KIF26B: variants seen among roughly 807,000 people sequenced by gnomAD.
KIF26B encodes kinesin family member 26B.
A neutral mutation model predicts 151.2 loss-of-function variants in KIF26B; 63 were observed. That is an observed-to-expected ratio of 0.42 (90% CI 0.34 to 0.51). The LOEUF (loss-of-function observed/expected upper bound fraction) is 0.51, where lower values mean the gene tolerates loss of function less well. Among genes scored for constraint, KIF26B ranks in the 20% least tolerant of loss-of-function variants. The pLI is 0.07. For synonymous variants in KIF26B, 1,357 were observed against 1,262.1 expected, an observed-to-expected ratio of 1.08 and a Z score of -1.59; for missense variants, 2,813 against 2,913.6, an observed-to-expected ratio of 0.97 and a Z score of 0.79.
intron 8 of KIF26B, 32 bp downstream of exon 8, chr1:245,609,560 G>C: frequency 1.3e-6 from 2 of 1,481,602 alleles, no homozygotes; most frequent in Non-Finnish European, 1.8e-6. Context: ...CTCGCCCCAA[G>C]GTGGCTCCCT....
intron 5 of KIF26B, among the ~76,000 whole-genome samples, chr1:245,542,187 T>C (rs1418588400): frequency 6.6e-6 from 1 of 152,146 alleles, no homozygotes; most frequent in Non-Finnish European, 1.5e-5. Context: ...ACCCTGTCTC[T>C]ACAAAAAATT....
At chr1:245,408,230 T>G (rs1674184383) in intron 3 of KIF26B, among the ~76,000 whole-genome samples, 1 of 152,206 alleles carries the variant, frequency 6.6e-6, no homozygotes, top group South Asian at 2.1e-4. Flanking sequence ...TCAGACCATT[T>G]GATTTTATTT....
chr1:245,334,328 G>C (rs1041191805), intron 2 of KIF26B, among the ~76,000 whole-genome samples: 1 of 152,174 alleles, frequency 6.6e-6, no homozygotes, highest in Non-Finnish European at 1.5e-5. Context: ...GAAAATGTTC[G>C]TTCCTGGTGT....
chr1:245,618,361 T>C (rs928303837), intron 9 of KIF26B, among the ~76,000 whole-genome samples: 1 of 151,434 alleles, frequency 6.6e-6, no homozygotes, highest in Non-Finnish European at 1.5e-5. Flanking sequence ...CCAAGCCCTA[T>C]TAGACTATAG....
At chr1:245,514,131 A>G (rs183121321) in intron 4 of KIF26B, among the ~76,000 whole-genome samples, 3 of 152,360 alleles carry the variant, frequency 2.0e-5, no homozygotes, top group Non-Finnish European at 2.9e-5. Flanking sequence ...AAGATAATAC[A>G]TATGTTAATT....
chr1:245,571,674 C>A lies in KIF26B; in HGVS notation c.1350+30724C>A, dbSNP rs571114770. On this transcript the variant is annotated intron_variant, in intron 5 of 14. Coordinates refer to ENST00000407071, the MANE Select transcript of KIF26B (RefSeq NM_018012.4). Reference sequence around the variant, plus strand: ...TCAGGAGGGGAGTCATCCTAACAAGCTGTCTGTGTAGACAGTGGATTCTGT... The same window carrying A: ...TCAGGAGGGGAGTCATCCTAACAAGATGTCTGTGTAGACAGTGGATTCTGT... Among the ~76,000 whole-genome samples, 7 of 152,346 alleles carry A rather than the reference C, an allele frequency of 4.6e-5. No homozygotes were observed. In the South Asian group the frequency reaches 1.4e-3, roughly 32 times the overall value.
At chr1:245,570,610 G>A (rs1279836450) in intron 5 of KIF26B, among the ~76,000 whole-genome samples, 1 of 152,234 alleles carries the variant, frequency 6.6e-6, no homozygotes, top group Non-Finnish European at 1.5e-5. Flanking sequence ...GGCTCTGAGA[G>A]GCATGGGCCA....
chr1:245,302,738 C>T (rs909965239), intron 2 of KIF26B, among the ~76,000 whole-genome samples: 5 of 151,932 alleles, frequency 3.3e-5, no homozygotes, highest in Non-Finnish European at 7.4e-5. Flanking sequence ...CACCTGTAAT[C>T]CCAGCACTTT....
At chr1:245,700,864 G>GGATACCCTTTTCC (rs1270714296) in intron 14 of KIF26B, among the ~76,000 whole-genome samples, 3 of 152,218 alleles carry the variant, frequency 2.0e-5, no homozygotes, top group Non-Finnish European at 2.9e-5. Flanking sequence ...TCCCCGCTGC[G>GGATACCCTTTTCC]GATACCCTTT....
chr1:245,407,607 C>A (rs545567674), intron 3 of KIF26B, among the ~76,000 whole-genome samples: 1 of 152,048 alleles, frequency 6.6e-6, no homozygotes, highest in Non-Finnish European at 1.5e-5. Flanking sequence ...GCTTTCTGTA[C>A]CCTATTCACC....
At chr1:245,387,252 C>T (rs929306451) in intron 3 of KIF26B, among the ~76,000 whole-genome samples, 5 of 150,988 alleles carry the variant, frequency 3.3e-5, no homozygotes, top group African/African-American at 1.2e-4. Flanking sequence ...GCAACCTCTG[C>T]CTCCCCAGTT....
chr1:245,630,364 A>C (rs1388329081), intron 9 of KIF26B, among the ~76,000 whole-genome samples: 2 of 152,236 alleles, frequency 1.3e-5, no homozygotes, highest in Non-Finnish European at 2.9e-5. Context: ...TGCATGAAGA[A>C]AATGTAATAC....
rs1236536559 is a variant in KIF26B at position 245,375,355 on chromosome 1, G to T, written c.999+7988G>T. 5.3e-5 allele frequency among the ~76,000 whole-genome samples: 8 copies of T among 152,118 alleles called. No homozygotes were observed. The highest frequency in any genetic ancestry group is 7.3e-5 in the Non-Finnish European group (5 of 68,030). On this transcript the variant is annotated intron_variant, in intron 3 of 14. Transcript: ENST00000407071. The surrounding 1 kb of genome is among the most constrained non-coding windows in gnomAD (Gnocchi z 4.2). ...GCCTCCCAAAGTGCTGGGATTACAG[G>T]TATGAACCACCACATCCGGCCAAGG...
chr1:245,629,233 T>G (rs2043755302), intron 9 of KIF26B, among the ~76,000 whole-genome samples: 1 of 152,122 alleles, frequency 6.6e-6, no homozygotes, highest in Non-Finnish European at 1.5e-5. Context: ...TTCACAGAAT[T>G]AGAAAAAGCT....
At chr1:245,270,472 G>A (rs918210509) in intron 2 of KIF26B, among the ~76,000 whole-genome samples, 2 of 151,628 alleles carry the variant, frequency 1.3e-5, no homozygotes, top group Non-Finnish European at 2.9e-5. Context: ...TAACAGGCAT[G>A]GGGTGATACT....
chr1:245,652,018 A>G (rs2044021544), intron 10 of KIF26B, among the ~76,000 whole-genome samples: 1 of 152,174 alleles, frequency 6.6e-6, no homozygotes, highest in East Asian at 1.9e-4. Context: ...AATTAAGTAG[A>G]TATTTGCCAG....
At chr1:245,289,865 G>C (rs2102972531) in intron 2 of KIF26B, among the ~76,000 whole-genome samples, 1 of 152,270 alleles carries the variant, frequency 6.6e-6, no homozygotes, top group African/African-American at 2.4e-5. Context: ...GCAACCCTCT[G>C]CTTAGAAAAA....
intron 10 of KIF26B, among the ~76,000 whole-genome samples, chr1:245,650,285 C>T (rs766706012): frequency 6.6e-6 from 1 of 152,340 alleles, no homozygotes; most frequent in Non-Finnish European, 1.5e-5. Context: ...TTCCTTACTG[C>T]TCTTGGGCAC....
At chr1:245,195,570 A>T (rs111631948) in intron 2 of KIF26B, among the ~76,000 whole-genome samples, 6 of 152,058 alleles carry the variant, frequency 3.9e-5, no homozygotes, top group African/African-American at 9.7e-5. Flanking sequence ...CCTTCCTTTG[A>T]TCTCCTCAGC....
Sources: allele counts gnomAD v4.1 joint callset (sites outside exome capture counted in the v4.1 genomes callset), GRCh38; gene constraint gnomAD v4.1.1; non-coding constraint Gnocchi (gnomAD v3.1); transcripts MANE v1.5; gene names NCBI Gene and HGNC (gene_info 2026-07-23, HGNC 2026-07-21).